The following MFN2 variants were observed in gnomAD, a reference collection of about 807,000 sequenced individuals.
MFN2 encodes mitofusin-2.
Under a neutral mutation model 87.5 loss-of-function variants are expected in MFN2, and 43 were observed. That is an observed-to-expected ratio of 0.49 (90% CI 0.38 to 0.63). MFN2 has a LOEUF of 0.63. Ranked by LOEUF, MFN2 falls within the 30% of genes least tolerant of loss-of-function variation. The pLI is 0.00. For missense variants in MFN2, 743 were observed against 972.8 expected (o/e 0.76, Z 3.14); for synonymous variants, 337 against 359.9 (o/e 0.94, Z 0.72).
In MFN2 at chr1:12,006,546, T is replaced by C; in HGVS notation, c.1725T>C (p.Arg575=). 1.2e-6 allele frequency: 2 copies of C among 1,614,166 alleles called. No individual in the cohort carries two copies. The highest frequency in any genetic ancestry group is 8.5e-7 in the Non-Finnish European group (1 of 1,180,026). The change falls in exon 16 of 19, where the codon CGT becomes CGC. Residue 575 remains arginine (R), a synonymous_variant. Transcript: ENST00000235329. The part of the protein sequence containing the change: ...ALMGYNDQVQ[R]PIPLTPANPS... ...CATGTTTCTCTCCTCAGGTCCAGCG[T>C]CCCATCCCTCTGACGCCAGCCAACC...
At chr1:12,008,866 G>C (rs1056300344) in intron 17 of MFN2, among the ~76,000 whole-genome samples, 1 of 152,218 alleles carries the variant, frequency 6.6e-6, no homozygotes, top group Non-Finnish European at 1.5e-5. Flanking sequence ...CGGCTGGGAG[G>C]TGGAGGTTGT....
At chr1:11,997,180 A>T (rs878912212) in intron 5 of MFN2, 117 bp from the exon 6 acceptor site, 2 of 1,489,654 alleles carry the variant, frequency 1.3e-6, no homozygotes, top group South Asian at 2.3e-5. Flanking sequence ...ATGTGGAAGA[A>T]GAAAGGGTAG....
At chr1:11,985,455 CTTTTTTTTTTTTT>C (rs774330626) in intron 2 of MFN2, among the ~76,000 whole-genome samples, 1 of 119,706 alleles carries the variant, frequency 8.4e-6, no homozygotes, top group Admixed American at 8.4e-5. Context: ...TCCTTGATCC[CTTTTTTTTTTTTT>C]TTTTTTTTTT....
At chr1:12,002,571 C>G (rs1418466950) in intron 11 of MFN2, among the ~76,000 whole-genome samples, 4 of 152,178 alleles carry the variant, frequency 2.6e-5, no homozygotes, top group Non-Finnish European at 5.9e-5. Context: ...ACCTGTAGTT[C>G]CAGCTACTTG....
chr1:12,006,684 T>C lies in MFN2; in HGVS notation c.1863T>C (p.Val621=). The C allele has an allele frequency of 6.2e-7, 1 of 1,609,216 alleles. No homozygotes were observed. ...GGACCTCCATGGGCATTCTTGTTGTTGGAGGAGTGGTCAGTGACCAGTTCT... is the reference window on the plus strand; with the variant it reads ...GGACCTCCATGGGCATTCTTGTTGTCGGAGGAGTGGTCAGTGACCAGTTCT... ...TSRTSMGILV[V]GGVVWKAVGW... is the part of the protein sequence containing the mutation. Residue 621 remains valine, a synonymous_variant, in exon 16 of 19, where the codon GTT becomes GTC. Transcript: ENST00000235329.
chr1:11,995,461 T>C (rs1428704141), intron 4 of MFN2, among the ~76,000 whole-genome samples: 3 of 151,688 alleles, frequency 2.0e-5, no homozygotes, highest in Non-Finnish European at 4.4e-5. Context: ...GGTGAAACCC[T>C]GTCTCTACTC....
intron 18 of MFN2, among the ~76,000 whole-genome samples, chr1:12,010,992 C>T (rs1639668298): frequency 6.6e-6 from 1 of 152,110 alleles, no homozygotes; most frequent in Non-Finnish European, 1.5e-5. Context: ...CTCACCGGAT[C>T]ACTGGGCTTT....
rs1399513759 is a variant in MFN2, at chr1:11,981,992, A to C, written c.-127A>C. Reference sequence around the variant, plus strand: ...AAGTCAGGACTGGTGGAGTCAACACAGTCAATCAATAGCCAACCTCAACCT... The same window carrying C: ...AAGTCAGGACTGGTGGAGTCAACACCGTCAATCAATAGCCAACCTCAACCT... On this transcript the variant is annotated 5_prime_UTR_variant, in exon 2 of 19. Transcript: ENST00000235329. The C allele has an allele frequency of 1.3e-5, 2 of 148,614 alleles. No individual in the cohort carries two copies. Among genetic ancestry groups the C allele is most frequent in the Non-Finnish European group, 3.0e-5 (2 of 67,774 alleles). The allele number at this position is 148,614 out of a possible 1,614,324, so 9.2% of individuals were successfully genotyped here.
intron 2 of MFN2, among the ~76,000 whole-genome samples, chr1:11,986,862 C>T (rs1036515546): frequency 3.3e-5 from 5 of 151,876 alleles, no homozygotes; most frequent in Non-Finnish European, 7.4e-5. Flanking sequence ...TAGGTGTGAG[C>T]CACCATGCCC....
intron 2 of MFN2, among the ~76,000 whole-genome samples, chr1:11,983,118 G>A (rs927782123): frequency 1.4e-4 from 21 of 151,876 alleles, no homozygotes; most frequent in African/African-American, 4.8e-4. Flanking sequence ...GTGCAGTGGC[G>A]CGATCTTGCA....
In MFN2 at chr1:11,989,318, C is replaced by A. The variant is rs78841746; in HGVS notation, c.150C>A (p.Ile50=). 1,476 of 1,614,042 alleles carry A rather than the reference C, an allele frequency of 9.1e-4. 22 individuals carry two copies. The East Asian group carries it at 0.028, about 30-fold the overall frequency. ...NGIFEQLGAY[I]QESATFLEDT... ...TTTTTGAGCAGCTGGGGGCCTACAT[C>A]CAGGAGAGCGCCACCTTCCTTGAAG... The change falls in exon 3 of 19, where the codon ATC becomes ATA. Residue 50 remains isoleucine (I), a synonymous_variant. Transcript: ENST00000235329.
chr1:12,010,182 C>T (rs1355389232), intron 18 of MFN2, among the ~76,000 whole-genome samples: 1 of 152,092 alleles, frequency 6.6e-6, no homozygotes, highest in African/African-American at 2.4e-5. Flanking sequence ...GGATGTGTAC[C>T]ACGTACCTCA....
At position 12,004,800 on chromosome 1, in the gene MFN2, C is replaced by G. The variant is rs374651997; in HGVS notation, c.1393-25C>G. 5.0e-6 allele frequency: 8 copies of G among 1,609,632 alleles called. No homozygotes were observed. In the African/African-American group the frequency reaches 9.4e-5, roughly 19 times the overall value. ...AGGGAATTTTGATGGACATGCTTCT[C>G]TTAACTTCCCTCTTCTGGTGGCAGG... On this transcript the variant is annotated intron_variant, in intron 13 of 18. Transcript: ENST00000235329. The surrounding 1 kb of genome is among the most constrained non-coding windows in gnomAD (Gnocchi z 4.2).
At chr1:11,997,054 AAAAG>A (rs1391367271) in intron 5 of MFN2, among the ~76,000 whole-genome samples, 3 of 152,112 alleles carry the variant, frequency 2.0e-5, no homozygotes, top group Admixed American at 6.6e-5. Context: ...AAAAAAAAAA[AAAAG>A]AATCAATCAG....
chr1:12,010,033 A>C (rs1311246750), intron 18 of MFN2, among the ~76,000 whole-genome samples: 1 of 152,180 alleles, frequency 6.6e-6, no homozygotes, highest in Non-Finnish European at 1.5e-5. Context: ...GTGTGCTTGT[A>C]ATCCCAGCCA....
In MFN2 at chr1:12,004,738, G is replaced by C; in HGVS notation, c.1393-87G>C. The stretch of plus-strand genomic sequence containing the variant: ...CCACAGAGACAAGGCCCAGGCTTCC[G>C]TCAGCCTTCTGGGGTCACCTGGTGG... On this transcript the variant is annotated intron_variant, in intron 13 of 18. Transcript: ENST00000235329. This position sits in a 1 kb window ranked among gnomAD's most constrained non-coding sequence, Gnocchi z 4.2. 1 of 1,508,874 alleles carries C rather than the reference G, an allele frequency of 6.6e-7. No individual in the cohort carries two copies. The highest frequency in any genetic ancestry group is 9.2e-7 in the Non-Finnish European group (1 of 1,087,696). The allele number at this position is 1,508,874 out of a possible 1,614,324, so 93.5% of individuals were successfully genotyped here.
chr1:11,988,144 C>A (rs1314014384), intron 2 of MFN2, among the ~76,000 whole-genome samples: 1 of 150,410 alleles, frequency 6.6e-6, no homozygotes, highest in African/African-American at 2.5e-5. Context: ...GCTCTGTCAC[C>A]CAGGCTGGAG....
chr1:11,997,254 G>C lies in MFN2; in HGVS notation c.475-43G>C, dbSNP rs201820969. Reference sequence around the variant, plus strand: ...GCGGCACAGGAAATCTCCTGGCCTGGTGGTTCCTCCTCAGCCTCTTTCTTT... The same window carrying C: ...GCGGCACAGGAAATCTCCTGGCCTGCTGGTTCCTCCTCAGCCTCTTTCTTT... On this transcript the variant is annotated intron_variant, in intron 5 of 18. Coordinates refer to ENST00000235329, the MANE Select transcript of MFN2 (RefSeq NM_014874.4). 188 of 1,612,954 alleles carry C rather than the reference G, an allele frequency of 1.2e-4. No individual in the cohort carries two copies. In the African/African-American group the frequency reaches 1.8e-3, roughly 16 times the overall value.
chr1:11,990,185 G>C (rs1358442652), intron 3 of MFN2, among the ~76,000 whole-genome samples: 3 of 152,172 alleles, frequency 2.0e-5, no homozygotes, highest in East Asian at 1.9e-4. Flanking sequence ...CTTTCAAATA[G>C]AGCAGCTTGG....
Sources: allele counts gnomAD v4.1 joint callset (sites outside exome capture counted in the v4.1 genomes callset), GRCh38; gene constraint gnomAD v4.1.1; non-coding constraint Gnocchi (gnomAD v3.1); transcripts MANE v1.5; gene names NCBI Gene and HGNC (gene_info 2026-07-23, HGNC 2026-07-21).